ATP6V1G1: variants seen among roughly 807,000 people sequenced by gnomAD.
ATP6V1G1 encodes V-type proton ATPase subunit G 1.
A neutral mutation model predicts 14.2 loss-of-function variants in ATP6V1G1; 14 were observed. The ratio of observed to expected loss-of-function variants is 0.99; its 90% CI spans 0.65 to 1.55. The LOEUF (loss-of-function observed/expected upper bound fraction) is 1.55, where lower values mean the gene tolerates loss of function less well. Ranked by LOEUF, ATP6V1G1 falls within the 40% of genes most tolerant of loss-of-function variation. The pLI, the probability that ATP6V1G1 is intolerant of heterozygous loss-of-function variation, is 0.00. For synonymous variants in ATP6V1G1, 65 were observed against 53.3 expected (o/e 1.22, Z -0.96); for missense variants, 137 against 146.4 (o/e 0.94, Z 0.33).
chr9:114,591,910 T>C (rs2133558047), intron 1 of ATP6V1G1, among the ~76,000 whole-genome samples: 1 of 152,272 alleles, frequency 6.6e-6, no homozygotes, highest in South Asian at 2.1e-4. Context: ...TAGAGATTTT[T>C]TCCAGCTGTA....
chr9:114,590,458 A>C (rs1845172288), intron 1 of ATP6V1G1, among the ~76,000 whole-genome samples: 1 of 151,720 alleles, frequency 6.6e-6, no homozygotes, highest in Admixed American at 6.6e-5. Flanking sequence ...TTAATACATA[A>C]ATAAAAAAAT....
chr9:114,596,332 G>T (rs2133560646), intron 2 of ATP6V1G1, among the ~76,000 whole-genome samples: 1 of 148,406 alleles, frequency 6.7e-6, no homozygotes, highest in African/African-American at 2.5e-5. Flanking sequence ...AGCTTGCAGT[G>T]AACGGAGATC....
intron 2 of ATP6V1G1, among the ~76,000 whole-genome samples, chr9:114,597,133 G>A (rs1332048937): frequency 6.6e-6 from 1 of 151,386 alleles, no homozygotes; most frequent in Non-Finnish European, 1.5e-5. Flanking sequence ...TGGGACTACA[G>A]GCGCCCGCTA....
Position 114,590,244 on chromosome 9 carries a change from C to T in ATP6V1G1, c.83-2308C>T, listed in dbSNP as rs530699999. ...AACAAACCAAAGTATTAGTTTATGG[C>T]TTACATACTTCTCAGATTTTTTTTT... On this transcript the variant is annotated intron_variant, in intron 1 of 2. Coordinates refer to ENST00000374050, the MANE Select transcript of ATP6V1G1 (RefSeq NM_004888.4). Among the ~76,000 whole-genome samples, 6 of 147,008 alleles carry T rather than the reference C, an allele frequency of 4.1e-5. No individual in the cohort carries two copies. In the South Asian group the frequency reaches 1.3e-3, roughly 32 times the overall value.
chr9:114,596,818 C>T (rs1352523981), intron 2 of ATP6V1G1, among the ~76,000 whole-genome samples: 3 of 152,042 alleles, frequency 2.0e-5, no homozygotes, highest in African/African-American at 4.8e-5. Flanking sequence ...TTTAAAACCA[C>T]AGGTACAAAA....
chr9:114,588,659 T>C (rs1589311910), intron 1 of ATP6V1G1, among the ~76,000 whole-genome samples: 1 of 152,000 alleles, frequency 6.6e-6, no homozygotes, highest in Admixed American at 6.6e-5. Context: ...GCAGGAGAGA[T>C]GAGGGCTGGA....
chr9:114,596,806 C>A (rs1272607428), intron 2 of ATP6V1G1, among the ~76,000 whole-genome samples: 1 of 152,032 alleles, frequency 6.6e-6, no homozygotes, highest in Non-Finnish European at 1.5e-5. Flanking sequence ...TATCTCCCCA[C>A]ATTTAAAACC....
chr9:114,594,183 C>T (rs1442141697), intron 2 of ATP6V1G1, among the ~76,000 whole-genome samples: 1 of 151,790 alleles, frequency 6.6e-6, no homozygotes, highest in Non-Finnish European at 1.5e-5. Flanking sequence ...GATTCTTCCA[C>T]CTCAACCTCC....
intron 2 of ATP6V1G1, among the ~76,000 whole-genome samples, chr9:114,593,123 T>C (rs999091212): frequency 3.3e-5 from 5 of 152,180 alleles, no homozygotes; most frequent in African/African-American, 1.2e-4. Flanking sequence ...TAGGCTATAC[T>C]ATGGTGCATA....
In ATP6V1G1 at chr9:114,588,597, T is replaced by G. The variant is rs551802419; in HGVS notation, c.82+677T>G. On this transcript the variant is annotated intron_variant, in intron 1 of 2. Transcript: ENST00000374050. ...AGTGCATCAGTTGTCTCCCCTAACG[T>G]GGCATTCAGTGTCGCAGTGAAGGAA... Among the ~76,000 whole-genome samples the G allele has an allele frequency of 5.9e-5, 9 of 151,946 alleles. No homozygotes were observed. The South Asian group carries it at 1.9e-3, about 32-fold the overall frequency.
In ATP6V1G1 at chr9:114,592,621, G is replaced by T; in HGVS notation, c.152G>T (p.Arg51Met). The T allele has an allele frequency of 6.3e-7, 1 of 1,578,684 alleles. No homozygotes were observed. Among genetic ancestry groups the T allele is most frequent in the East Asian group, 2.3e-5 (1 of 43,484 alleles). ...QAEIEQYRLQ[R>M]EKEFKAKEAA... Reference sequence around the variant, plus strand: ...GAAATTGAACAGTACCGCCTGCAGAGGGAGAAAGAATTCAAGGCCAAGGAA... The same window carrying T: ...GAAATTGAACAGTACCGCCTGCAGATGGAGAAAGAATTCAAGGCCAAGGAA... The change falls in exon 2 of 3, where the codon AGG (arginine) becomes ATG (methionine). Residue 51 changes from arginine (R) to methionine (M), a missense_variant. By Grantham distance (91) the Arg-to-Met change is moderately conservative. Transcript: ENST00000374050.
intron 1 of ATP6V1G1, among the ~76,000 whole-genome samples, chr9:114,588,740 G>A (rs966064349): frequency 2.6e-4 from 40 of 152,112 alleles, no homozygotes; most frequent in Non-Finnish European, 1.5e-4. Context: ...GGAAGAACCC[G>A]TTCTGGTCCC....
chr9:114,597,509 T>C, intron 2 of ATP6V1G1, 61 bp from the exon 3 acceptor site: 4 of 1,392,736 alleles, frequency 2.9e-6, no homozygotes, highest in Non-Finnish European at 3.7e-6. Flanking sequence ...TTACGAAATG[T>C]ACCTGACCAA....
chr9:114,594,861 CTTTTT>C (rs71997716), intron 2 of ATP6V1G1, among the ~76,000 whole-genome samples: 4 of 110,574 alleles, frequency 3.6e-5, no homozygotes, highest in Non-Finnish European at 5.4e-5. Context: ...TTCTTTTTTT[CTTTTT>C]TTTTTTTTTT....
At chr9:114,592,755 G>C in intron 2 of ATP6V1G1, 103 bp downstream of exon 2, 1 of 1,223,422 alleles carries the variant, frequency 8.2e-7, no homozygotes, top group South Asian at 1.4e-5. Context: ...GTCGAAGTTT[G>C]AAAATGTGGT....
At chr9:114,590,799 T>C (rs2133557388) in intron 1 of ATP6V1G1, among the ~76,000 whole-genome samples, 1 of 152,176 alleles carries the variant, frequency 6.6e-6, no homozygotes, top group South Asian at 2.1e-4. Flanking sequence ...ATATTTTGTT[T>C]ATTTATTTTT....
Position 114,587,874 on chromosome 9 carries a change from G to A in ATP6V1G1, c.36G>A (p.Leu12=), listed in dbSNP as rs1186867105. The change falls in exon 1 of 3, where the codon CTG becomes CTA. Residue 12 remains leucine, a synonymous_variant. Transcript: ENST00000374050. ...AGTCTCAGGGGATTCAGCAGCTGCTGCAGGCCGAGAAGCGGGCAGCCGAGA... is the reference window on the plus strand; with the variant it reads ...AGTCTCAGGGGATTCAGCAGCTGCTACAGGCCGAGAAGCGGGCAGCCGAGA... ...ASQSQGIQQL[L]QAEKRAAEKV... The A allele has an allele frequency of 1.9e-6, 3 of 1,594,078 alleles. No homozygotes were observed. The highest frequency in any genetic ancestry group is 1.1e-5 in the South Asian group (1 of 87,842).
At chr9:114,595,376 G>A (rs2133560111) in intron 2 of ATP6V1G1, among the ~76,000 whole-genome samples, 1 of 152,296 alleles carries the variant, frequency 6.6e-6, no homozygotes, top group African/African-American at 2.4e-5. Flanking sequence ...AGCCCTAAGG[G>A]CACAGTGGCT....
At chr9:114,588,012 C>A in intron 1 of ATP6V1G1, 92 bp downstream of exon 1, 1 of 1,344,036 alleles carries the variant, frequency 7.4e-7, no homozygotes, top group Non-Finnish European at 1.0e-6. Flanking sequence ...CGAAAAACTG[C>A]GGGGTGCGGG....
Sources: gnomAD v4.1 joint callset for allele counts (sites outside exome capture counted in the v4.1 genomes callset) on GRCh38, gnomAD v4.1.1 for gene constraint, MANE v1.5 for transcripts, NCBI Gene and HGNC (gene_info 2026-07-23, HGNC 2026-07-21) for gene names.